The following ELOVL7 variants were observed in gnomAD, a reference collection of about 807,000 sequenced individuals.
ELOVL7 encodes the protein very long chain fatty acid elongase 7.
A neutral mutation model predicts 35.7 loss-of-function variants in ELOVL7; 27 were observed. The observed-to-expected ratio is 0.76, with a 90% CI of 0.56 to 1.04. The LOEUF (loss-of-function observed/expected upper bound fraction) is 1.04, where lower values mean the gene tolerates loss of function less well. Ranked by LOEUF, ELOVL7 falls within the 50% of genes least tolerant of loss-of-function variation. The pLI is 0.00. For synonymous variants in ELOVL7, 113 were observed against 114.6 expected (o/e 0.99, Z 0.09); for missense variants, 327 against 340.8 (o/e 0.96, Z 0.32).
At chr5:60,764,894 C>T (rs547370992) in intron 6 of ELOVL7, among the ~76,000 whole-genome samples, 47 of 151,776 alleles carry the variant, frequency 3.1e-4, no homozygotes, top group Middle Eastern at 6.8e-3. Flanking sequence ...AATGAGAAGG[C>T]GAAGGAAGGT....
chr5:60,797,307 T>C (rs1224956694), intron 2 of ELOVL7, among the ~76,000 whole-genome samples: 3 of 152,216 alleles, frequency 2.0e-5, no homozygotes, highest in South Asian at 2.1e-4. Context: ...GGCTCATGTA[T>C]ACTAACCCAC....
intron 1 of ELOVL7, chr5:60,843,540 G>T (rs536733138): frequency 6.6e-6 from 1 of 152,418 alleles, no homozygotes; most frequent in African/African-American, 2.4e-5. Flanking sequence ...ATGCGGCTCG[G>T]GGAGCCGAAG....
intron 1 of ELOVL7, among the ~76,000 whole-genome samples, chr5:60,808,585 T>C (rs376392427): frequency 1.3e-5 from 2 of 152,210 alleles, no homozygotes; most frequent in East Asian, 3.8e-4. Context: ...TAAAATCCCA[T>C]ATACTTAGCA....
At chr5:60,795,473 C>T (rs1313742768) in intron 2 of ELOVL7, among the ~76,000 whole-genome samples, 1 of 152,160 alleles carries the variant, frequency 6.6e-6, no homozygotes, top group Non-Finnish European at 1.5e-5. Flanking sequence ...GGGATATAAA[C>T]CCCAGGCATT....
At chr5:60,819,668 C>T (rs937333618) in intron 1 of ELOVL7, among the ~76,000 whole-genome samples, 2 of 152,150 alleles carry the variant, frequency 1.3e-5, no homozygotes, top group Non-Finnish European at 2.9e-5. Context: ...CGCCTGTAAT[C>T]CTGCCTACTC....
chr5:60,842,489 T>C (rs1465603937), intron 1 of ELOVL7, among the ~76,000 whole-genome samples: 1 of 135,112 alleles, frequency 7.4e-6, no homozygotes, highest in Non-Finnish European at 1.6e-5. Context: ...CAAAAATCTA[T>C]TTTTCTTAAA....
In ELOVL7 at chr5:60,751,982, T is replaced by C. The variant is rs1741307185; in HGVS notation, c.*2642A>G. ...ATAGATATTTAAAAATCTATATTTG[T>C]ATTTATTTATAATATAGATATAGGC... On this transcript the variant is annotated 3_prime_UTR_variant, in exon 9 of 9. Transcript: ENST00000508821. The C allele has an allele frequency of 6.6e-6, 1 of 152,152 alleles. No homozygotes were observed. The highest frequency in any genetic ancestry group is 2.1e-4 in the South Asian group (1 of 4,834). The allele number at this position is 152,152 out of a possible 1,614,324, so 9.4% of individuals were successfully genotyped here.
intron 8 of ELOVL7, among the ~76,000 whole-genome samples, chr5:60,755,105 T>C (rs996075906): frequency 1.3e-5 from 2 of 152,216 alleles, no homozygotes; most frequent in African/African-American, 4.8e-5. Context: ...GCAACCTTTT[T>C]ACTACTCAGA....
At chr5:60,776,049 A>G (rs1742882218) in intron 3 of ELOVL7, among the ~76,000 whole-genome samples, 1 of 152,214 alleles carries the variant, frequency 6.6e-6, no homozygotes, top group Admixed American at 6.5e-5. Flanking sequence ...CAGACAACCT[A>G]TGGACTGGGA....
At chr5:60,755,396 C>T (rs1243342372) in intron 8 of ELOVL7, among the ~76,000 whole-genome samples, 4 of 152,154 alleles carry the variant, frequency 2.6e-5, no homozygotes, top group East Asian at 1.9e-4. Context: ...CGGTGGCTCA[C>T]GCCTGTAATC....
intron 5 of ELOVL7, among the ~76,000 whole-genome samples, chr5:60,766,845 C>A (rs1374133721): frequency 6.6e-6 from 1 of 152,160 alleles, no homozygotes; most frequent in African/African-American, 2.4e-5. Flanking sequence ...AAGCTACACC[C>A]ACTAAACTAC....
chr5:60,806,498 A>C (rs940323832), intron 1 of ELOVL7, among the ~76,000 whole-genome samples: 15 of 152,162 alleles, frequency 9.9e-5, no homozygotes, highest in Non-Finnish European at 2.1e-4. Flanking sequence ...CATGTTTAGG[A>C]ATCAGGAAGA....
intron 8 of ELOVL7, among the ~76,000 whole-genome samples, chr5:60,755,959 T>C (rs1389794653): frequency 6.6e-6 from 1 of 152,216 alleles, no homozygotes; most frequent in Admixed American, 6.5e-5. Context: ...GTTTATTTTA[T>C]TATCATTTTA....
intron 1 of ELOVL7, among the ~76,000 whole-genome samples, chr5:60,832,294 T>C (rs1273137948): frequency 6.6e-6 from 1 of 152,134 alleles, no homozygotes; most frequent in Non-Finnish European, 1.5e-5. Flanking sequence ...TGTTAATAAG[T>C]AGATGGCAAC....
At chr5:60,839,950 T>A (rs1747064594) in intron 1 of ELOVL7, among the ~76,000 whole-genome samples, 1 of 151,628 alleles carries the variant, frequency 6.6e-6, no homozygotes, top group Non-Finnish European at 1.5e-5. Context: ...CGGAAAGCCA[T>A]GACTGTGCCA....
intron 1 of ELOVL7, among the ~76,000 whole-genome samples, chr5:60,816,771 A>G (rs1346104696): frequency 6.6e-6 from 1 of 152,270 alleles, no homozygotes; most frequent in Non-Finnish European, 1.5e-5. Context: ...AATACAGATT[A>G]TTCAACAAAT....
At chr5:60,832,568 G>T (rs1746543486) in intron 1 of ELOVL7, among the ~76,000 whole-genome samples, 1 of 152,166 alleles carries the variant, frequency 6.6e-6, no homozygotes, top group South Asian at 2.1e-4. Flanking sequence ...GTTTCACCAT[G>T]CTGGCCAGGA....
intron 1 of ELOVL7, among the ~76,000 whole-genome samples, chr5:60,820,081 T>C (rs774522046): frequency 1.3e-5 from 2 of 152,216 alleles, no homozygotes; most frequent in Admixed American, 6.5e-5. Flanking sequence ...TGGGATGGAC[T>C]GGCCCACATT....
intron 3 of ELOVL7, among the ~76,000 whole-genome samples, chr5:60,776,669 T>C (rs866067948): frequency 6.6e-6 from 1 of 152,136 alleles, no homozygotes; most frequent in African/African-American, 2.4e-5. Flanking sequence ...AGCTAAGTCT[T>C]GGGTACATGC....
Sources: allele counts gnomAD v4.1 joint callset (sites outside exome capture counted in the v4.1 genomes callset), GRCh38; gene constraint gnomAD v4.1.1; transcripts MANE v1.5; gene names NCBI Gene and HGNC (gene_info 2026-07-23, HGNC 2026-07-21).